CR2: variants seen among roughly 807,000 people sequenced by gnomAD.
CR2 encodes the protein complement C3d receptor 2.
In CR2, 96 loss-of-function variants were observed where a neutral mutation model predicts 123.0. The ratio of observed to expected loss-of-function variants is 0.78; its 90% CI spans 0.66 to 0.93. The LOEUF is 0.93. Among genes scored for constraint, CR2 ranks in the 40% least tolerant of loss-of-function variants. The pLI, the probability that CR2 is intolerant of heterozygous loss-of-function variation, is 0.00. For missense variants in CR2, 1,258 were observed against 1,361.0 expected, an observed-to-expected ratio of 0.92 and a Z score of 1.19; for synonymous variants, 484 against 469.5, an observed-to-expected ratio of 1.03 and a Z score of -0.40.
intron 18 of CR2, among the ~76,000 whole-genome samples, chr1:207,481,152 A>T (rs1428707459): frequency 6.6e-6 from 1 of 151,978 alleles, no homozygotes; most frequent in Non-Finnish European, 1.5e-5. Context: ...TTTGCATATT[A>T]TTTTTAATTA....
chr1:207,466,638 C>T lies in CR2; in HGVS notation c.171C>T (p.Leu57=), dbSNP rs1286391697. ...ACAGTTGTTCAGGTACCTTCCGCCT[C>T]ATTGGAGAAAAAAGTCTATTATGCA... ...IRYSCSGTFR[L]IGEKSLLCIT... The change falls in exon 2 of 20, where the codon CTC becomes CTT. Residue 57 remains leucine (L), a synonymous_variant. Coordinates refer to ENST00000367057, the MANE Select transcript of CR2 (RefSeq NM_001006658.3). 6.2e-6 allele frequency: 10 copies of T among 1,613,924 alleles called. No homozygotes were observed. The African/African-American group carries it at 1.2e-4, about 19-fold the overall frequency.
At chr1:207,476,594 C>A (rs1284033493) in intron 15 of CR2, among the ~76,000 whole-genome samples, 175 bp downstream of exon 15, 1 of 152,142 alleles carries the variant, frequency 6.6e-6, no homozygotes, top group African/African-American at 2.4e-5. Context: ...GAAAAAATGT[C>A]TCAGGCTGTA....
intron 1 of CR2, among the ~76,000 whole-genome samples, chr1:207,463,855 CTATTTA>C (rs1056305555): frequency 5.9e-5 from 9 of 152,066 alleles, no homozygotes; most frequent in African/African-American, 1.9e-4. Context: ...TTATTGCACC[CTATTTA>C]ATTCCTCTTG....
At chr1:207,478,178 T>C in intron 16 of CR2, 108 bp downstream of exon 16, 1 of 1,182,380 alleles carries the variant, frequency 8.5e-7, no homozygotes, top group African/African-American at 1.5e-5. Context: ...CATAGGTTTG[T>C]GACCAGTTGT....
chr1:207,469,087 A>G, intron 4 of CR2, 63 bp from the exon 5 acceptor site: 8 of 1,445,892 alleles, frequency 5.5e-6, no homozygotes, highest in Non-Finnish European at 6.8e-6. Flanking sequence ...AATTGTAAGT[A>G]GAGGCTGCTG....
At chr1:207,466,453 G>A (rs890411881) in intron 1 of CR2, 73 bp from the exon 2 acceptor site, 1 of 1,541,214 alleles carries the variant, frequency 6.5e-7, no homozygotes, top group Non-Finnish European at 9.0e-7. Context: ...TCTATATTTG[G>A]ATATTTTACC....
Position 207,469,840 on chromosome 1 carries a change from C to A in CR2, c.963C>A (p.Ser321Arg). 1 of 1,613,968 alleles carries A rather than the reference C, an allele frequency of 6.2e-7. No homozygotes were observed. The highest frequency in any genetic ancestry group is 8.5e-7 in the Non-Finnish European group (1 of 1,179,960). The change falls in exon 6 of 20, where the codon AGC (serine) becomes AGA (arginine). Residue 321 changes from serine to arginine, a missense_variant. Physicochemically the swap from Ser to Arg is moderately radical, Grantham distance 110. Transcript: ENST00000367057. ...EGVNFILIGESTLRCTVDSQK... is the reference protein window; with the variant it reads ...EGVNFILIGERTLRCTVDSQK... ...TGAACTTCATCCTTATTGGAGAGAG[C>A]ACTCTCCGTTGTACAGTTGATAGTC...
chr1:207,471,163 A>G (rs1658266459), intron 8 of CR2, 76 bp downstream of exon 8: 1 of 1,402,634 alleles, frequency 7.1e-7, no homozygotes, highest in Non-Finnish European at 1.0e-6. Context: ...AAGAGTTTGT[A>G]TCAGTACACC....
intron 2 of CR2, 93 bp from the exon 3 acceptor site, chr1:207,468,434 C>T: frequency 7.7e-7 from 1 of 1,291,260 alleles, no homozygotes; most frequent in South Asian, 1.2e-5. Flanking sequence ...TCCAATGTTG[C>T]CCAGGGAAGC....
intron 1 of CR2, among the ~76,000 whole-genome samples, chr1:207,462,669 A>C (rs1169172208): frequency 6.6e-6 from 1 of 152,180 alleles, no homozygotes; most frequent in Non-Finnish European, 1.5e-5. Context: ...AGACTACTGC[A>C]ATGACAAAAT....
At chr1:207,471,631 G>C in intron 9 of CR2, 132 bp downstream of exon 9, 1 of 734,074 alleles carries the variant, frequency 1.4e-6, no homozygotes, top group Non-Finnish European at 2.5e-6. Context: ...CAATAGTTAT[G>C]GTTGCACAGT....
At chr1:207,455,424 A>G (rs911835380) in intron 1 of CR2, among the ~76,000 whole-genome samples, 10 of 152,198 alleles carry the variant, frequency 6.6e-5, no homozygotes, top group African/African-American at 1.9e-4. Context: ...TAAGCAAAGA[A>G]AGTTGGATGT....
intron 6 of CR2, 111 bp downstream of exon 6, chr1:207,470,213 C>A: frequency 8.8e-7 from 1 of 1,141,138 alleles, no homozygotes; most frequent in Non-Finnish European, 1.3e-6. Context: ...TCCCTCAAAT[C>A]TACTACATCT....
Position 207,454,333 on chromosome 1 carries a change from C to A in CR2, c.-86C>A. ...GCCCGCCTCTCCTGGCTCACAGCTG[C>A]TTGCTGCTCCAGCCTTGCCCTCCCA... On this transcript the variant is annotated 5_prime_UTR_variant, in exon 1 of 20. Coordinates refer to ENST00000367057, the MANE Select transcript of CR2 (RefSeq NM_001006658.3). The surrounding 1 kb of genome is among the most constrained non-coding windows in gnomAD (Gnocchi z 4.3). The A allele has an allele frequency of 8.3e-7, 1 of 1,200,932 alleles. No homozygotes were observed. The highest frequency in any genetic ancestry group is 2.5e-5 in the East Asian group (1 of 39,460). The allele number at this position is 1,200,932 out of a possible 1,614,324, so 74.4% of individuals were successfully genotyped here.
In CR2 at chr1:207,480,071, T is replaced by A; in HGVS notation, c.3188+18T>A. The A allele has an allele frequency of 6.3e-7, 1 of 1,575,968 alleles. No individual in the cohort carries two copies. The highest frequency in any genetic ancestry group is 8.7e-7 in the Non-Finnish European group (1 of 1,145,806). On this transcript the variant is annotated intron_variant, in intron 18 of 19. Transcript: ENST00000367057. ...AGAGCACGGTAAGTTCAAAGGCGAA[T>A]ACTTGATTGACCAACATGCACAAGT...
At chr1:207,468,506 T>TC (rs1658167355) in intron 2 of CR2, 21 bp from the exon 3 acceptor site, 1 of 1,613,374 alleles carries the variant, frequency 6.2e-7, no homozygotes, top group African/African-American at 1.3e-5. Flanking sequence ...GGCTTTTTTT[T>TC]CCTGGTATGT....
At chr1:207,483,965 A>G (rs569183748) in intron 18 of CR2, among the ~76,000 whole-genome samples, 4 of 152,330 alleles carry the variant, frequency 2.6e-5, no homozygotes, top group Non-Finnish European at 4.4e-5. Flanking sequence ...GGCAGGGGGA[A>G]AACTAGCAGA....
In CR2 at chr1:207,485,457, T is replaced by G; in HGVS notation, c.3189-7T>G. The G allele has an allele frequency of 6.4e-7, 1 of 1,558,162 alleles. No individual in the cohort carries two copies. Among genetic ancestry groups the G allele is most frequent in the Non-Finnish European group, 8.8e-7 (1 of 1,130,090 alleles). On this transcript the variant is annotated splice_polypyrimidine_tract_variant and splice_region_variant and intron_variant, in intron 18 of 19. Coordinates refer to ENST00000367057, the MANE Select transcript of CR2 (RefSeq NM_001006658.3). ...GATATTACATTTTTCTTTCTTCTTC[T>G]GTTTAGCAATTATTATACAGATACA...
At position 207,473,573 on chromosome 1, in the gene CR2, T is replaced by C. The variant is rs1189833522; in HGVS notation, c.2007T>C (p.His669=). ...GCCAGTCACCTCCTGGGCTCCACCA[T>C]GGTCGTCATACAGGTGGAAATACGG... ...KGCQSPPGLH[H]GRHTGGNTVF... The change falls in exon 11 of 20, where the codon CAT becomes CAC. Residue 669 remains histidine, a synonymous_variant. Coordinates refer to ENST00000367057, the MANE Select transcript of CR2 (RefSeq NM_001006658.3). 2 of 1,613,816 alleles carry C rather than the reference T, an allele frequency of 1.2e-6. No individual in the cohort carries two copies. Among genetic ancestry groups the C allele is most frequent in the African/African-American group, 2.7e-5 (2 of 74,920 alleles).
Sources: gnomAD v4.1 joint callset for allele counts (sites outside exome capture counted in the v4.1 genomes callset) on GRCh38, gnomAD v4.1.1 for gene constraint, Gnocchi (gnomAD v3.1) non-coding constraint, MANE v1.5 for transcripts, NCBI Gene and HGNC (gene_info 2026-07-23, HGNC 2026-07-21) for gene names.